Variants in LARGE1 observed in about 807,000 individuals in gnomAD.
LARGE1 encodes the protein xylosyl- and glucuronyltransferase LARGE1.
In LARGE1, 43 loss-of-function variants were observed where a neutral mutation model predicts 87.6. The ratio of observed to expected loss-of-function variants is 0.49; its 90% CI spans 0.38 to 0.63. LARGE1 has a LOEUF of 0.63. LARGE1 is among the 30% of genes least tolerant of loss of function. LARGE1 has a pLI of 0.00. For synonymous variants in LARGE1, 434 were observed against 394.6 expected (o/e 1.10, Z -1.18); for missense variants, 802 against 1,000.2 (o/e 0.80, Z 2.67).
At chr22:33,521,384 C>A (rs1386593363) in intron 6 of LARGE1, among the ~76,000 whole-genome samples, 1 of 152,242 alleles carries the variant, frequency 6.6e-6, no homozygotes, top group Non-Finnish European at 1.5e-5. Flanking sequence ...TACCTGCTAG[C>A]ATAGGATAGC....
chr22:33,315,169 A>G (rs1288740216), intron 11 of LARGE1, among the ~76,000 whole-genome samples: 1 of 152,180 alleles, frequency 6.6e-6, no homozygotes, highest in Non-Finnish European at 1.5e-5. Context: ...GACTAGCTCC[A>G]TATTCTCAGC....
intron 1 of LARGE1, among the ~76,000 whole-genome samples, chr22:33,917,175 T>C (rs574631442): frequency 1.3e-5 from 2 of 152,188 alleles, no homozygotes; most frequent in Non-Finnish European, 2.9e-5. Context: ...GTGACCAACA[T>C]CTTGGTGATA....
At chr22:33,432,411 C>A in intron 6 of LARGE1, 146 bp from the exon 7 acceptor site, 1 of 688,558 alleles carries the variant, frequency 1.5e-6, no homozygotes. Context: ...AGCCTCTGAC[C>A]TAACAGCTTA....
intron 3 of LARGE1, among the ~76,000 whole-genome samples, chr22:33,647,878 C>T (rs1424443092): frequency 6.6e-6 from 1 of 152,116 alleles, no homozygotes; most frequent in African/African-American, 2.4e-5. Flanking sequence ...CTGCCTCAGC[C>T]TCCCAAGTAG....
At chr22:33,901,910 A>T (rs1031941495) in intron 1 of LARGE1, among the ~76,000 whole-genome samples, 3 of 152,196 alleles carry the variant, frequency 2.0e-5, no homozygotes, top group Non-Finnish European at 4.4e-5. Context: ...AAAAGACTAC[A>T]ATTTGAAAGC....
chr22:33,738,585 C>T (rs555577618), intron 2 of LARGE1, among the ~76,000 whole-genome samples: 3 of 152,290 alleles, frequency 2.0e-5, no homozygotes, highest in East Asian at 1.9e-4. Context: ...CAGGGCCGGG[C>T]GCGGTGGCTC....
chr22:33,494,634 A>T (rs879655016), intron 6 of LARGE1, among the ~76,000 whole-genome samples: 3 of 152,184 alleles, frequency 2.0e-5, no homozygotes, highest in Non-Finnish European at 4.4e-5. Context: ...GATATTCACA[A>T]CTACCCTAAC....
At chr22:33,627,497 A>C (rs1331866301) in intron 3 of LARGE1, among the ~76,000 whole-genome samples, 2 of 152,182 alleles carry the variant, frequency 1.3e-5, no homozygotes, top group Non-Finnish European at 2.9e-5. Context: ...AAAGGAGGGG[A>C]CCTGAGAGAT....
chr22:33,500,023 C>T (rs2148356894), intron 6 of LARGE1, among the ~76,000 whole-genome samples: 1 of 152,294 alleles, frequency 6.6e-6, no homozygotes, highest in South Asian at 2.1e-4. Context: ...ATCTGCCTGC[C>T]TCGGCCTCCC....
At chr22:33,837,257 TACACACACACAC>T (rs3072340) in intron 1 of LARGE1, among the ~76,000 whole-genome samples, 1 of 149,638 alleles carries the variant, frequency 6.7e-6, no homozygotes, top group Non-Finnish European at 1.5e-5. Flanking sequence ...GTATTACATA[TACACACACACAC>T]ACACACACAC....
Position 33,630,583 on chromosome 22 carries a change from A to C in LARGE1, c.409-4257T>G, listed in dbSNP as rs73882284. Among the ~76,000 whole-genome samples, 829 of 152,226 alleles carry C rather than the reference A, an allele frequency of 5.4e-3. 5 individuals are homozygous for C. The highest frequency in any genetic ancestry group is 0.019 in the African/African-American group (794 of 41,508). ...CTTAACATAGAAAAAGTACAGTAAA[A>C]ATATAATATAAGAGAAAAAAATGGT... On this transcript the variant is annotated intron_variant, in intron 3 of 14. Coordinates refer to ENST00000397394, the MANE Select transcript of LARGE1 (RefSeq NM_133642.5).
At chr22:33,691,077 C>G (rs240074) in intron 2 of LARGE1, among the ~76,000 whole-genome samples, 22,423 of 152,116 alleles carry the variant, frequency 0.15, 1,901 homozygotes, top group East Asian at 0.27. Flanking sequence ...GACTGGGCAG[C>G]CCATGGAACA....
chr22:33,464,232 C>T (rs1601954117), intron 6 of LARGE1, among the ~76,000 whole-genome samples: 2 of 152,166 alleles, frequency 1.3e-5, no homozygotes, highest in Middle Eastern at 3.4e-3. Flanking sequence ...AGTATTCAAT[C>T]CCATATGAAT....
At chr22:33,329,789 C>T (rs917274007) in intron 10 of LARGE1, among the ~76,000 whole-genome samples, 1 of 152,016 alleles carries the variant, frequency 6.6e-6, no homozygotes, top group Non-Finnish European at 1.5e-5. Flanking sequence ...ATGGTTTTTG[C>T]ATTTAAAAAG....
At chr22:33,431,490 T>C (rs1171045878) in intron 7 of LARGE1, among the ~76,000 whole-genome samples, 2 of 152,130 alleles carry the variant, frequency 1.3e-5, no homozygotes, top group Admixed American at 1.3e-4. Context: ...CTGCATTTTC[T>C]CCTGCCAGGC....
the LARGE1 span, among the ~76,000 whole-genome samples, chr22:33,097,664 A>C: frequency 6.6e-6 from 1 of 152,306 alleles, no homozygotes; most frequent in South Asian, 2.1e-4. Flanking sequence ...GCCTCCTATT[A>C]AGAGACCTTT....
At chr22:33,323,811 G>A (rs1936972775) in intron 10 of LARGE1, among the ~76,000 whole-genome samples, 2 of 152,146 alleles carry the variant, frequency 1.3e-5, no homozygotes, top group South Asian at 4.1e-4. Flanking sequence ...GAACTGTAAA[G>A]TGCTACCCAA....
intron 11 of LARGE1, among the ~76,000 whole-genome samples, chr22:33,198,636 G>GAC (rs71187250): frequency 0.017 from 2,370 of 137,700 alleles, 34 homozygotes; most frequent in East Asian, 0.052. Context: ...TATACACCGT[G>GAC]ACACACACAC....
rs551699039 is a variant in LARGE1 at position 33,389,933 on chromosome 22, T to C, written c.893-5629A>G. Among the ~76,000 whole-genome samples the C allele has an allele frequency of 1.3e-3, 203 of 152,312 alleles. 1 individual carries two copies. Among genetic ancestry groups the C allele is most frequent in the African/African-American group, 4.8e-3 (201 of 41,566 alleles). On this transcript the variant is annotated intron_variant, in intron 7 of 14. Transcript: ENST00000397394. ...GCTAAAATGTTGCTGTCATTTATCCTGCCATTTCACAAGATCAAAGGCCTC... is the reference window on the plus strand; with the variant it reads ...GCTAAAATGTTGCTGTCATTTATCCCGCCATTTCACAAGATCAAAGGCCTC...
Sources: allele counts gnomAD v4.1 joint callset (sites outside exome capture counted in the v4.1 genomes callset), GRCh38; gene constraint gnomAD v4.1.1; transcripts MANE v1.5; gene names NCBI Gene and HGNC (gene_info 2026-07-23, HGNC 2026-07-21).